ZFP36L1: variants seen among roughly 807,000 people sequenced by gnomAD.
The protein encoded by ZFP36L1 is mRNA decay activator protein ZFP36L1.
ZFP36L1 carries 4 observed loss-of-function variants against 16.7 expected under a neutral mutation model. The observed-to-expected ratio is 0.24, with a 90% CI of 0.12 to 0.55. The LOEUF (loss-of-function observed/expected upper bound fraction) is 0.55, where lower values mean the gene tolerates loss of function less well. ZFP36L1 is among the 20% of genes least tolerant of loss of function. ZFP36L1 has a pLI of 0.94. For missense variants in ZFP36L1, 311 were observed against 449.2 expected (o/e 0.69, Z 2.78); for synonymous variants, 220 against 190.8 (o/e 1.15, Z -1.26).
intron 1 of ZFP36L1, chr14:68,791,101 G>A (rs1465412947): frequency 1.4e-5 from 10 of 698,032 alleles, no homozygotes; most frequent in African/African-American, 8.8e-5. Context: ...CTGAGGTTGG[G>A]GGAGACAGGG....
In ZFP36L1 at chr14:68,790,444, G is replaced by A; in HGVS notation, c.106C>T (p.Leu36=). The change falls in exon 2 of 2, where the codon CTG becomes TTG. Residue 36 remains leucine, a synonymous_variant. Transcript: ENST00000439696. ...YSAPSAGGCL[L]DRKAVGTPAG... ...GGGGTGCCCACTGCCTTTCTGTCCA[G>A]CAGGCAACCCCCTGCACTGGGAGCA... 6.2e-7 allele frequency: 1 copy of A among 1,614,110 alleles called. No homozygotes were observed. Among genetic ancestry groups the A allele is most frequent in the South Asian group, 1.1e-5 (1 of 91,076 alleles).
At chr14:68,791,960 T>G (rs943023746) in intron 1 of ZFP36L1, among the ~76,000 whole-genome samples, 1 of 152,126 alleles carries the variant, frequency 6.6e-6, no homozygotes, top group African/African-American at 2.4e-5. Context: ...AATTAAAAAG[T>G]AGCCCAGCAG....
rs1455987594 is a variant in ZFP36L1 at position 68,789,987 on chromosome 14, G to A, written c.563C>T (p.Ala188Val). The change falls in exon 2 of 2, where the codon GCC (alanine) becomes GTC (valine). Residue 188 changes from alanine to valine, a missense_variant. Ala to Val is a moderately conservative substitution (Grantham distance 64). Around this residue, in one of 4 missense-constraint regions of ZFP36L1, gnomAD observed 147 missense variants for 192.0 expected, o/e 0.77. Coordinates refer to ENST00000439696, the MANE Select transcript of ZFP36L1 (RefSeq NM_004926.4). This position sits in a 1 kb window ranked among gnomAD's most constrained non-coding sequence, Gnocchi z 4.5. ...NAEERRALAG[A>V]RDLSADRPRL... ...GGGACGGTCAGCGGAGAGGTCCCGG[G>A]CCCCGGCCAGGGCACGGCGCTCTTC... is the stretch of plus-strand genomic sequence containing the variant. 7 of 1,606,304 alleles carry A rather than the reference G, an allele frequency of 4.4e-6. No individual in the cohort carries two copies. The highest frequency in any genetic ancestry group is 1.3e-5 in the African/African-American group (1 of 74,774).
rs145856129 is a variant in ZFP36L1, at chr14:68,790,682, G to C, written c.58-190C>G. ...ACCTGGGTTTATTTTGGCCCCATGCGTAAGAAACCACAAGATCCAAACTGT... is the reference window on the plus strand; with the variant it reads ...ACCTGGGTTTATTTTGGCCCCATGCCTAAGAAACCACAAGATCCAAACTGT... On this transcript the variant is annotated intron_variant, in intron 1 of 1. Transcript: ENST00000439696. Among the ~76,000 whole-genome samples, 158 of 152,094 alleles carry C rather than the reference G, an allele frequency of 1.0e-3. 1 individual carries two copies. The highest frequency in any genetic ancestry group is 3.4e-3 in the Middle Eastern group (1 of 294).
Position 68,789,908 on chromosome 14 carries a change from G to C in ZFP36L1, c.642C>G (p.Ala214=). The stretch of plus-strand genomic sequence containing the variant: ...GGCTGTCCAGCAGCCCGGTGGCAGC[G>C]GCGGTGGCAGCGGCACTGGGAAACC... ...FAGFPSAAAT[A]AATGLLDSPT... Residue 214 remains alanine, a synonymous_variant, in exon 2 of 2, where the codon GCC becomes GCG. Transcript: ENST00000439696. The surrounding 1 kb of genome is among the most constrained non-coding windows in gnomAD (Gnocchi z 4.5). 1 of 1,609,266 alleles carries C rather than the reference G, an allele frequency of 6.2e-7. No individual in the cohort carries two copies. Among genetic ancestry groups the C allele is most frequent in the Non-Finnish European group, 8.5e-7 (1 of 1,179,360 alleles).
At chr14:68,791,066 G>A in intron 1 of ZFP36L1, 2 of 701,906 alleles carry the variant, frequency 2.8e-6, no homozygotes, top group Middle Eastern at 2.3e-4. Flanking sequence ...GCTTTTTCTT[G>A]TGGGGAGGAG....
In ZFP36L1 at chr14:68,789,791, G is replaced by C. The variant is rs776814611; in HGVS notation, c.759C>G (p.Phe253Leu). The change falls in exon 2 of 2, where the codon TTC (phenylalanine) becomes TTG (leucine). Residue 253 changes from phenylalanine (F) to leucine (L), a missense_variant. Physicochemically the swap from Phe to Leu is conservative, Grantham distance 22. Transcript: ENST00000439696. This position sits in a 1 kb window ranked among gnomAD's most constrained non-coding sequence, Gnocchi z 4.5. ...AGAGGCTTGCCAGCTCCTGGCTGGA[G>C]AAGGCAAAAGGGTTATTGGTGCCAT... ...LPDGTNNPFAFSSQELASLFA... is the reference protein window; with the variant it reads ...LPDGTNNPFALSSQELASLFA... 1 of 1,613,770 alleles carries C rather than the reference G, an allele frequency of 6.2e-7. No individual in the cohort carries two copies. Among genetic ancestry groups the C allele is most frequent in the Non-Finnish European group, 8.5e-7 (1 of 1,180,008 alleles).
At chr14:68,791,816 T>C (rs2140210864) in intron 1 of ZFP36L1, among the ~76,000 whole-genome samples, 1 of 152,286 alleles carries the variant, frequency 6.6e-6, no homozygotes, top group East Asian at 1.9e-4. Flanking sequence ...TAAATGCTAC[T>C]CTTCAGCTCC....
rs762552122 is a variant in ZFP36L1 at position 68,793,034 on chromosome 14, G to C, written c.-96C>G. On this transcript the variant is annotated 5_prime_UTR_variant, in exon 1 of 2. Transcript: ENST00000439696. ...GCCTCTCCTGTCTGGAGTCCCACAC[G>C]CCAGTTCCCGGCGCCCCTCGCCTTT... The C allele has an allele frequency of 6.2e-7, 1 of 1,600,430 alleles. No homozygotes were observed. Among genetic ancestry groups the C allele is most frequent in the African/African-American group, 1.3e-5 (1 of 74,750 alleles).
rs1202376979 is a variant in ZFP36L1, at chr14:68,790,416, G to C, written c.134C>G (p.Ala45Gly). ...LLDRKAVGTP[A>G]GGGFPRRHSV... ...GTGCCTCCGAGGGAAGCCCCCACCA[G>C]CAGGGGTGCCCACTGCCTTTCTGTC... The change falls in exon 2 of 2, where the codon GCT (alanine) becomes GGT (glycine). Residue 45 changes from alanine (A) to glycine (G), a missense_variant. Transcript: ENST00000439696. The C allele has an allele frequency of 3.7e-6, 6 of 1,613,978 alleles. No individual in the cohort carries two copies. Among genetic ancestry groups the C allele is most frequent in the Non-Finnish European group, 5.1e-6 (6 of 1,179,946 alleles).
upstream of ZFP36L1, chr14:68,795,904 A>T: frequency 3.2e-6 from 3 of 945,532 alleles, no homozygotes; most frequent in Non-Finnish European, 4.7e-6. Flanking sequence ...GCGGGAGCCG[A>T]CCCGCCCTCG....
Position 68,788,722 on chromosome 14 carries a change from C to A in ZFP36L1, c.*811G>T, listed in dbSNP as rs1278410844. The A allele has an allele frequency of 5.9e-5, 9 of 152,392 alleles. No homozygotes were observed. Among genetic ancestry groups the A allele is most frequent in the Non-Finnish European group, 1.3e-4 (9 of 67,994 alleles). The allele number at this position is 152,392 out of a possible 1,614,324, so 9.4% of individuals were successfully genotyped here. A position where few individuals can be genotyped will look rare whatever the true frequency, so the allele number is the denominator to read the frequency against. ...TAGTCCATCTAGCTTCCCCTTCCTC[C>A]CCACTTAAAAAAAAGAAAAAATTAA... is the stretch of plus-strand genomic sequence containing the variant. On this transcript the variant is annotated 3_prime_UTR_variant, in exon 2 of 2. Coordinates refer to ENST00000439696, the MANE Select transcript of ZFP36L1 (RefSeq NM_004926.4).
Position 68,790,022 on chromosome 14 carries a change from G to A in ZFP36L1, c.528C>T (p.Ile176=). The A allele has an allele frequency of 6.2e-7, 1 of 1,610,014 alleles. No individual in the cohort carries two copies. Among genetic ancestry groups the A allele is most frequent in the Middle Eastern group, 1.7e-4 (1 of 6,030 alleles). Residue 176 remains isoleucine, a synonymous_variant, in exon 2 of 2, where the codon ATC becomes ATT. Transcript: ENST00000439696. ...GGGCACGGCGCTCTTCAGCGTTGTG[G>A]ATGAAGTGGCAGCGGGGCCCGTAGG... ...FCPYGPRCHF[I]HNAEERRALA...
At position 68,789,743 on chromosome 14, in the gene ZFP36L1, G is replaced by T; in HGVS notation, c.807C>A (p.Pro269=). 1 of 1,614,050 alleles carries T rather than the reference G, an allele frequency of 6.2e-7. No homozygotes were observed. Among genetic ancestry groups the T allele is most frequent in the Non-Finnish European group, 8.5e-7 (1 of 1,179,990 alleles). ...ASLFAPSMGL[P]GGGSPTTFLF... is the part of the protein sequence containing the mutation. ...GGAAGGTGGTCGGGGAGCCACCCCC[G>T]GGCAGCCCCATGCTAGGGGCAAAGA... Residue 269 remains proline, a synonymous_variant, in exon 2 of 2, where the codon CCC becomes CCA. Coordinates refer to ENST00000439696, the MANE Select transcript of ZFP36L1 (RefSeq NM_004926.4). This position sits in a 1 kb window ranked among gnomAD's most constrained non-coding sequence, Gnocchi z 4.5.
At chr14:68,791,812 C>T (rs55876724) in intron 1 of ZFP36L1, among the ~76,000 whole-genome samples, 4,963 of 152,204 alleles carry the variant, frequency 0.033, 275 homozygotes, top group African/African-American at 0.11. Context: ...TTTTTAAATG[C>T]TACTCTTCAG....
At chr14:68,795,326 CA>C (rs990365946), upstream of ZFP36L1, among the ~76,000 whole-genome samples, 2 of 147,850 alleles carry the variant, frequency 1.4e-5, no homozygotes, top group Non-Finnish European at 1.5e-5. Flanking sequence ...CCACCCCCCC[CA>C]AAAAAGAGGC....
chr14:68,791,943 CTT>C (rs1895084222), intron 1 of ZFP36L1, among the ~76,000 whole-genome samples: 1 of 152,150 alleles, frequency 6.6e-6, no homozygotes, highest in African/African-American at 2.4e-5. Context: ...AGGCAAAACA[CTT>C]CAGCAATTAA....
At chr14:68,792,492 G>T (rs564463096) in intron 1 of ZFP36L1, among the ~76,000 whole-genome samples, 1 of 152,226 alleles carries the variant, frequency 6.6e-6, no homozygotes, top group African/African-American at 2.4e-5. Flanking sequence ...GGGTAATGCC[G>T]CTGGACAGAC....
chr14:68,795,565 A>G (rs1046139531), upstream of ZFP36L1, among the ~76,000 whole-genome samples: 1 of 152,066 alleles, frequency 6.6e-6, no homozygotes, highest in African/African-American at 2.4e-5. Flanking sequence ...GAATGGCTAC[A>G]AAGTGGATTT....
Sources: gnomAD v4.1 joint callset for allele counts (sites outside exome capture counted in the v4.1 genomes callset) on GRCh38, gnomAD v4.1.1 for gene constraint, gnomAD v4.1.1 regional missense constraint, Gnocchi (gnomAD v3.1) non-coding constraint, MANE v1.5 for transcripts, NCBI Gene and HGNC (gene_info 2026-07-23, HGNC 2026-07-21) for gene names.